OXR1: variants seen among roughly 807,000 people sequenced by gnomAD.
OXR1 encodes the protein oxidation resistance 1.
OXR1 carries 41 observed loss-of-function variants against 104.6 expected under a neutral mutation model. The ratio of observed to expected loss-of-function variants is 0.39; its 90% confidence interval spans 0.31 to 0.51. The LOEUF (loss-of-function observed/expected upper bound fraction) is 0.51. Among genes scored for constraint, OXR1 ranks in the 20% least tolerant of loss-of-function variants. The pLI is 0.77. For synonymous variants in OXR1, 348 were observed against 348.4 expected, an observed-to-expected ratio of 1.00 and a Z score of 0.01; for missense variants, 955 against 1,031.9, an observed-to-expected ratio of 0.93 and a Z score of 1.02.
chr8:106,287,316 T>C (rs187437663), intron 1 of OXR1, among the ~76,000 whole-genome samples: 13 of 152,328 alleles, frequency 8.5e-5, no homozygotes, highest in Non-Finnish European at 1.6e-4. Context: ...CTTACATTGA[T>C]ACTTGTCCTG....
At chr8:106,326,691 C>A (rs1428344054) in intron 1 of OXR1, among the ~76,000 whole-genome samples, 2 of 152,046 alleles carry the variant, frequency 1.3e-5, no homozygotes, top group Non-Finnish European at 2.9e-5. Flanking sequence ...GGCAGAGGGA[C>A]CAGCCAGTGC....
chr8:106,678,442 GATTT>G lies in OXR1; in HGVS notation c.221-762_221-759del, dbSNP rs1331359126. ...TGTTTACTATCTTATTTAATTTTGT[GATTT>G]ATTTAGTTTTTTAGATTTCATTTTA... On this transcript the variant is annotated intron_variant, in intron 3 of 16. Transcript: ENST00000517566. Among the ~76,000 whole-genome samples the G allele has an allele frequency of 1.1e-4, 17 of 151,966 alleles. No individual in the cohort carries two copies. The East Asian group carries it at 3.3e-3, about 29-fold the overall frequency.
intron 1 of OXR1, among the ~76,000 whole-genome samples, chr8:106,299,831 T>TA (rs112049361): frequency 0.22 from 33,353 of 151,970 alleles, 5,440 homozygotes; most frequent in African/African-American, 0.46. Flanking sequence ...TAATTTTAGA[T>TA]AAAAAACACA....
intron 1 of OXR1, among the ~76,000 whole-genome samples, chr8:106,301,031 A>G (rs1180403082): frequency 6.6e-6 from 1 of 152,214 alleles, no homozygotes; most frequent in Non-Finnish European, 1.5e-5. Flanking sequence ...AAAATGTGAC[A>G]ATTTTAGGTA....
chr8:106,454,307 A>G (rs1820480418), intron 2 of OXR1, among the ~76,000 whole-genome samples: 1 of 151,878 alleles, frequency 6.6e-6, no homozygotes, highest in Non-Finnish European at 1.5e-5. Flanking sequence ...CTAAAATACA[A>G]AAAATTAGCC....
chr8:106,287,656 C>CA (rs11312139), intron 1 of OXR1, among the ~76,000 whole-genome samples: 44,497 of 146,390 alleles, frequency 0.3, 6,764 homozygotes, highest in East Asian at 0.56. Flanking sequence ...CATCCCATTT[C>CA]AAAAAAAAAA....
chr8:106,313,806 A>G (rs191654717), intron 1 of OXR1, among the ~76,000 whole-genome samples: 61 of 152,282 alleles, frequency 4.0e-4, no homozygotes, highest in African/African-American at 1.4e-3. Context: ...TTCTCATCCT[A>G]TCACACTCAA....
At chr8:106,594,118 A>G (rs779430001) in intron 3 of OXR1, among the ~76,000 whole-genome samples, 1 of 152,200 alleles carries the variant, frequency 6.6e-6, no homozygotes, top group Non-Finnish European at 1.5e-5. Flanking sequence ...TGCTGATGAC[A>G]TATTTTCAGC....
chr8:106,452,461 A>G (rs964738219), intron 2 of OXR1, among the ~76,000 whole-genome samples: 31 of 152,166 alleles, frequency 2.0e-4, no homozygotes, highest in African/African-American at 7.5e-4. Context: ...ATTAACAGGA[A>G]AATTGTTTCA....
chr8:106,732,772 A>C (rs1289755406), intron 11 of OXR1, among the ~76,000 whole-genome samples: 1 of 152,244 alleles, frequency 6.6e-6, no homozygotes, highest in Non-Finnish European at 1.5e-5. Context: ...TACATTGCTC[A>C]ATTCAGTTTG....
At chr8:106,288,660 A>G (rs1424102186) in intron 1 of OXR1, among the ~76,000 whole-genome samples, 1 of 146,214 alleles carries the variant, frequency 6.8e-6, no homozygotes, top group African/African-American at 2.5e-5. Flanking sequence ...CACATACTCT[A>G]TCTATATTTA....
At chr8:106,278,244 G>A (rs1488641996) in intron 1 of OXR1, among the ~76,000 whole-genome samples, 2 of 152,092 alleles carry the variant, frequency 1.3e-5, no homozygotes, top group Non-Finnish European at 1.5e-5. Context: ...ACTGTTCAAG[G>A]AACAAATTAA....
At chr8:106,475,621 T>C (rs1274806628) in intron 2 of OXR1, among the ~76,000 whole-genome samples, 2 of 152,042 alleles carry the variant, frequency 1.3e-5, no homozygotes, top group Non-Finnish European at 2.9e-5. Flanking sequence ...CTTCCACTGT[T>C]TGCTTTAGTT....
chr8:106,583,004 T>C (rs556504453), intron 3 of OXR1, among the ~76,000 whole-genome samples: 1 of 152,348 alleles, frequency 6.6e-6, no homozygotes, highest in Admixed American at 6.5e-5. Context: ...ATAATGTGGT[T>C]ATGCTATTTT....
chr8:106,283,866 A>G (rs1812386333), intron 1 of OXR1, among the ~76,000 whole-genome samples: 1 of 152,166 alleles, frequency 6.6e-6, no homozygotes, highest in Non-Finnish European at 1.5e-5. Context: ...AAGTTACTAA[A>G]ATGCTCTTAC....
chr8:106,478,950 A>G (rs1377747042), intron 2 of OXR1, among the ~76,000 whole-genome samples: 1 of 151,826 alleles, frequency 6.6e-6, no homozygotes. Flanking sequence ...ATAGTCTATG[A>G]TAGTTTGTTT....
intron 10 of OXR1, among the ~76,000 whole-genome samples, chr8:106,711,088 C>T (rs906694814): frequency 2.0e-5 from 3 of 152,096 alleles, no homozygotes; most frequent in African/African-American, 7.2e-5. Flanking sequence ...TAGCTCCTTC[C>T]TGAAGGCAGC....
intron 3 of OXR1, among the ~76,000 whole-genome samples, chr8:106,575,119 C>T (rs1436278399): frequency 2.0e-5 from 3 of 152,032 alleles, no homozygotes; most frequent in Admixed American, 2.0e-4. Flanking sequence ...TGTAGAAGTT[C>T]CAGAATTTTT....
At chr8:106,426,100 A>T (rs1819106934) in intron 2 of OXR1, among the ~76,000 whole-genome samples, 1 of 151,782 alleles carries the variant, frequency 6.6e-6, no homozygotes, top group Non-Finnish European at 1.5e-5. Flanking sequence ...GATGCCTGGG[A>T]CTCCTGCTTA....
Sources: allele counts gnomAD v4.1 joint callset (sites outside exome capture counted in the v4.1 genomes callset), GRCh38; gene constraint gnomAD v4.1.1; transcripts MANE v1.5; gene names NCBI Gene and HGNC (gene_info 2026-07-23, HGNC 2026-07-21).